Variants in OGT observed in about 807,000 individuals in gnomAD.
OGT encodes UDP-N-acetylglucosamine--peptide N-acetylglucosaminyltransferase 110 kDa subunit.
Under a neutral mutation model 75.8 loss-of-function variants are expected in OGT, and 3 were observed. The ratio of observed to expected loss-of-function variants is 0.04; its 90% CI spans 0.02 to 0.10. The LOEUF is 0.10. Among genes scored for constraint, OGT ranks in the 10% least tolerant of loss-of-function variants. The pLI is 1.00. For synonymous variants in OGT, 257 were observed against 289.7 expected, an observed-to-expected ratio of 0.89 and a Z score of 1.15; for missense variants, 260 against 824.4, an observed-to-expected ratio of 0.32 and a Z score of 8.38.
At chrX:71,552,387 A>AT (rs757206451) in intron 5 of OGT, among the ~76,000 whole-genome samples, 18,869 of 91,887 alleles carry the variant, frequency 0.21, 2,326 homozygotes, top group East Asian at 0.42. Context: ...CACTGAATGG[A>AT]TTTTTTTTTT....
chrX:71,569,152 A>C (rs1236204808), intron 21 of OGT, among the ~76,000 whole-genome samples: 1 of 110,708 alleles, frequency 9.0e-6, no homozygotes, highest in African/African-American at 3.3e-5. Context: ...ACACGGTGAA[A>C]CCCCCCTCTA....
chrX:71,542,949 G>C (rs1239446615), intron 3 of OGT, among the ~76,000 whole-genome samples: 1 of 111,684 alleles, frequency 9.0e-6, no homozygotes, highest in African/African-American at 3.2e-5. Context: ...TTTTGTGCTT[G>C]AAGTGATGGG....
chrX:71,535,088 G>A (rs1186695196), intron 1 of OGT, among the ~76,000 whole-genome samples: 2 of 108,903 alleles, frequency 1.8e-5, no homozygotes, highest in Non-Finnish European at 3.8e-5. Context: ...TGCTACGGTC[G>A]AATTCCCAGT....
At position 71,554,547 on chromosome X, in the gene OGT, A is replaced by C. The variant is rs1359701064; in HGVS notation, c.683A>C (p.Tyr228Ser). The change falls in exon 6 of 22, where the codon TAT (tyrosine) becomes TCT (serine). Residue 228 changes from tyrosine to serine, a missense_variant. Coordinates refer to ENST00000373719, the MANE Select transcript of OGT (RefSeq NM_181672.3). ...VTLDPNFLDA[Y>S]INLGNVLKEA... ...CTTGACCCAAACTTTCTGGATGCTT[A>C]TATCAATTTAGGAAATGTCTTGAAA... 1 of 1,208,563 alleles carries C rather than the reference A, an allele frequency of 8.3e-7. No individual in the cohort carries two copies. Among genetic ancestry groups the C allele is most frequent in the Admixed American group, 2.2e-5 (1 of 45,781 alleles).
chrX:71,573,682 A>G lies in OGT; in HGVS notation c.3029A>G (p.Lys1010Arg), dbSNP rs997650019. Residue 1010 changes from lysine to arginine, a missense_variant, in exon 22 of 22, where the codon AAA becomes AGA. Around this residue, in one of 6 missense-constraint regions of OGT, gnomAD observed 34 missense variants for 57.5 expected, o/e 0.59. Transcript: ENST00000373719. ...QRISSPLFNT[K>R]QYTMELERLY... ...ATATCTAGCCCTCTGTTCAACACCA[A>G]ACAATACACAATGGAACTAGAGCGG... 2.4e-5 allele frequency: 29 copies of G among 1,208,240 alleles called. No homozygotes were observed. Among genetic ancestry groups the G allele is most frequent in the Non-Finnish European group, 3.0e-5 (27 of 893,890 alleles).
chrX:71,552,350 C>G (rs1243805082), intron 5 of OGT, among the ~76,000 whole-genome samples: 2 of 110,515 alleles, frequency 1.8e-5, no homozygotes, highest in Admixed American at 1.9e-4. Context: ...TTATTTGGAT[C>G]CTGACTCAGT....
At position 71,555,986 on chromosome X, in the gene OGT, T is replaced by C; in HGVS notation, c.957T>C (p.Ala319=). 2 of 1,210,931 alleles carry C rather than the reference T, an allele frequency of 1.7e-6. No homozygotes were observed. Among genetic ancestry groups the C allele is most frequent in the Non-Finnish European group, 2.2e-6 (2 of 894,953 alleles). The change falls in exon 8 of 22, where the codon GCT becomes GCC. Residue 319 remains alanine, a synonymous_variant. Transcript: ENST00000373719. ...VAEAEDCYNT[A]LRLCPTHADS... ...AAGCAGAAGATTGTTATAATACAGC[T>C]CTCCGTCTGTGTCCCACCCATGCAG...
At chrX:71,559,802 A>G in intron 14 of OGT, 125 bp downstream of exon 14, 1 of 482,807 alleles carries the variant, frequency 2.1e-6, no homozygotes, top group Non-Finnish European at 3.4e-6. Flanking sequence ...AATTGTGTTG[A>G]TCTTATTTCC....
chrX:71,535,667 C>T (rs143676392), intron 1 of OGT, among the ~76,000 whole-genome samples: 3,335 of 111,494 alleles, frequency 0.03, 48 homozygotes, highest in Non-Finnish European at 0.043. Context: ...CATCTGGTGT[C>T]CTCACTGAGG....
At chrX:71,546,954 A>C (rs2040264053) in intron 4 of OGT, 1 of 753,526 alleles carries the variant, frequency 1.3e-6, no homozygotes, top group South Asian at 6.8e-5. Flanking sequence ...TAATCTCATT[A>C]AACAAATATT....
chrX:71,568,845 CAA>C lies in OGT; in HGVS notation c.2966+733_2966+734del, dbSNP rs1451828537. Among the ~76,000 whole-genome samples the C allele has an allele frequency of 9.3e-4, 94 of 100,660 alleles. 2 individuals carry two copies. Among genetic ancestry groups the C allele is most frequent in the Admixed American group, 3.9e-3 (36 of 9,176 alleles). The allele number at this position is 100,660 out of a possible 115,157, so 87.4% of individuals were successfully genotyped here. ...TCTATCTCAAAAACAAAAACAAAAA[CAA>C]AAACAAACAAACAAAAAAAAAACCA... On this transcript the variant is annotated intron_variant, in intron 21 of 21. Coordinates refer to ENST00000373719, the MANE Select transcript of OGT (RefSeq NM_181672.3).
At chrX:71,558,749 G>A (rs1602149414) in intron 12 of OGT, among the ~76,000 whole-genome samples, 1 of 96,487 alleles carries the variant, frequency 1.0e-5, no homozygotes, top group East Asian at 3.3e-4. Flanking sequence ...ACCTACAAGT[G>A]TTAGATTTGC....
At chrX:71,568,256 C>A in intron 21 of OGT, 140 bp downstream of exon 21, 1 of 428,895 alleles carries the variant, frequency 2.3e-6, no homozygotes. Context: ...TACTTCTAAA[C>A]TCTTAGAAAT....
chrX:71,567,257 G>A (rs746215880), intron 19 of OGT, among the ~76,000 whole-genome samples: 44 of 112,180 alleles, frequency 3.9e-4, no homozygotes, highest in Middle Eastern at 4.2e-3. Context: ...GTCAATTCCC[G>A]CAGGAGGTAG....
At chrX:71,548,048 T>C (rs1253450612) in intron 5 of OGT, 25 bp downstream of exon 5, 18 of 1,196,533 alleles carry the variant, frequency 1.5e-5, no homozygotes, top group Non-Finnish European at 2.0e-5. Flanking sequence ...TAATAATTGG[T>C]ATTTTTGAAG....
chrX:71,541,501 G>A (rs2040218944), intron 3 of OGT, among the ~76,000 whole-genome samples: 2 of 111,514 alleles, frequency 1.8e-5, no homozygotes, highest in Admixed American at 1.9e-4. Context: ...GACCTGACCC[G>A]TAAAGGAAAA....
chrX:71,544,006 G>T (rs1466071720), intron 3 of OGT, among the ~76,000 whole-genome samples: 1 of 109,137 alleles, frequency 9.2e-6, no homozygotes. Context: ...GGTTGATCTC[G>T]AACTCCTGAC....
chrX:71,568,826 TCAAAAA>T (rs55676711), intron 21 of OGT, among the ~76,000 whole-genome samples: 17,568 of 102,339 alleles, frequency 0.17, 1,633 homozygotes, highest in East Asian at 0.43. Flanking sequence ...AGACTCTATC[TCAAAAA>T]CAAAAACAAA....
chrX:71,562,095 A>G (rs933815628), intron 15 of OGT, among the ~76,000 whole-genome samples, 195 bp downstream of exon 15: 3 of 112,646 alleles, frequency 2.7e-5, no homozygotes, highest in Admixed American at 9.4e-5. Flanking sequence ...ATATAGAGAC[A>G]TGCAATTCAT....
Sources: gnomAD v4.1 joint callset for allele counts (sites outside exome capture counted in the v4.1 genomes callset) on GRCh38, gnomAD v4.1.1 for gene constraint, gnomAD v4.1.1 regional missense constraint, MANE v1.5 for transcripts, NCBI Gene and HGNC (gene_info 2026-07-23, HGNC 2026-07-21) for gene names.